The following ZNF525 variants were observed in gnomAD, a reference collection of about 807,000 sequenced individuals.
ZNF525 encodes the protein zinc finger protein 525.
A neutral mutation model predicts 37.6 loss-of-function variants in ZNF525; 33 were observed. The observed-to-expected ratio is 0.88, with a 90% CI of 0.67 to 1.17. The LOEUF is 1.17. ZNF525 is among the 50% of genes most tolerant of loss of function. The pLI is 0.00. For synonymous variants in ZNF525, 170 were observed against 182.3 expected, an observed-to-expected ratio of 0.93 and a Z score of 0.54; for missense variants, 449 against 543.1, an observed-to-expected ratio of 0.83 and a Z score of 1.72.
intron 3 of ZNF525, among the ~76,000 whole-genome samples, chr19:53,378,241 G>A (rs2085535431): frequency 6.6e-6 from 1 of 152,186 alleles, no homozygotes. Flanking sequence ...CGGATCACCT[G>A]AGTTAAGGAA....
At chr19:53,369,764 A>T (rs1333059188) in intron 1 of ZNF525, among the ~76,000 whole-genome samples, 1 of 99,270 alleles carries the variant, frequency 1.0e-5, no homozygotes, top group African/African-American at 4.9e-5. Flanking sequence ...TCTCGCTGTC[A>T]CCCAGGCTGG....
At chr19:53,378,457 G>A (rs2085536539) in intron 3 of ZNF525, among the ~76,000 whole-genome samples, 1 of 152,152 alleles carries the variant, frequency 6.6e-6, no homozygotes, top group Non-Finnish European at 1.5e-5. Context: ...TACAGGCTGA[G>A]GCGGGAGAAT....
At chr19:53,380,630 C>T (rs1259903993) in intron 3 of ZNF525, 92 bp from the exon 4 acceptor site, 3 of 661,640 alleles carry the variant, frequency 4.5e-6, no homozygotes, top group African/African-American at 1.8e-5. Flanking sequence ...AAGAATCTTA[C>T]GATTTTGTGT....
rs1404113402 is a variant in ZNF525 at position 53,381,277 on chromosome 19, A to C, written c.698A>C (p.His233Pro). ...AATTATAGCTCACTCTTAAGGAAAC[A>C]TCAGATTATTCATCTAGGAGAGAAA... is the stretch of plus-strand genomic sequence containing the variant. ...AFNYSSLLRK[H>P]QIIHLGEKQY... Residue 233 changes from histidine to proline, a missense_variant, in exon 4 of 4, where the codon CAT becomes CCT. His to Pro is a moderately conservative substitution (Grantham distance 77). This residue lies in a region of ZNF525 where 271 missense variants were observed against 381.6 expected (regional missense o/e 0.71). Coordinates refer to ENST00000474037, the MANE Select transcript of ZNF525 (RefSeq NM_001348156.2). 4.9e-6 allele frequency: 7 copies of C among 1,434,754 alleles called. No homozygotes were observed. The highest frequency in any genetic ancestry group is 6.9e-6 in the Non-Finnish European group (7 of 1,016,614). 88.9% of individuals were successfully genotyped at this position (1,434,754 alleles called of 1,614,324 possible).
At position 53,383,652 on chromosome 19, in the gene ZNF525, A is replaced by C; in HGVS notation, c.*1633A>C. 1 of 954,602 alleles carries C rather than the reference A, an allele frequency of 1.0e-6. No homozygotes were observed. The highest frequency in any genetic ancestry group is 1.7e-5 in the African/African-American group (1 of 60,468). The allele number at this position is 954,602 out of a possible 1,614,324, so 59.1% of individuals were successfully genotyped here. A position where few individuals can be genotyped will look rare whatever the true frequency, so the allele number is the denominator to read the frequency against. The stretch of plus-strand genomic sequence containing the variant: ...ATCCGTAGTGTAGGGAAACTTGACT[A>C]ACGTAATGATTCTCACAACGTCTTC... On this transcript the variant is annotated 3_prime_UTR_variant, in exon 4 of 4. Coordinates refer to ENST00000474037, the MANE Select transcript of ZNF525 (RefSeq NM_001348156.2).
rs189980574 is a variant in ZNF525 at position 53,382,755 on chromosome 19, T to G, written c.*736T>G. 4 of 906,576 alleles carry G rather than the reference T, an allele frequency of 4.4e-6. No individual in the cohort carries two copies. In the East Asian group the frequency reaches 1.0e-4, roughly 24 times the overall value. The allele number at this position is 906,576 out of a possible 1,614,324, so 56.2% of individuals were successfully genotyped here. ...TACAAGTGTGATAAATGTGACAAAT[T>G]TTTCAGACATCGTTCATACCTTGCA... On this transcript the variant is annotated 3_prime_UTR_variant, in exon 4 of 4. Transcript: ENST00000474037.
chr19:53,374,794 G>C (rs2085510412), intron 2 of ZNF525, among the ~76,000 whole-genome samples: 1 of 152,044 alleles, frequency 6.6e-6, no homozygotes, highest in African/African-American at 2.4e-5. Context: ...TAGTTTTTTT[G>C]TGAGTCTGTG....
intron 3 of ZNF525, among the ~76,000 whole-genome samples, chr19:53,378,350 G>T (rs114517970): frequency 2.7e-4 from 41 of 152,190 alleles, no homozygotes; most frequent in African/African-American, 9.9e-4. Flanking sequence ...CCAAGTACTC[G>T]AGAGGCTGAG....
chr19:53,381,042 C>G lies in ZNF525; in HGVS notation c.463C>G (p.Gln155Glu). ...HSHLSELHIF[Q>E]PKGKINNQVE... is the part of the protein sequence containing the mutation. ...ACATCTGTCTGAACTCCACATATTT[C>G]AGCCCAAAGGGAAAATTAATAATCA... The change falls in exon 4 of 4, where the codon CAG becomes GAG. Residue 155 changes from glutamine (Q) to glutamate (E), a missense_variant. By Grantham distance (29) the Gln-to-Glu change is conservative. This residue lies in a region of ZNF525 where 271 missense variants were observed against 381.6 expected (regional missense o/e 0.71). Transcript: ENST00000474037. The G allele has an allele frequency of 6.5e-7, 1 of 1,549,310 alleles. No homozygotes were observed. Among genetic ancestry groups the G allele is most frequent in the Admixed American group, 1.7e-5 (1 of 59,952 alleles).
rs549568197 is a variant in ZNF525 at position 53,375,781 on chromosome 19, A to C, written c.27A>C (p.Thr9=). The C allele has an allele frequency of 1.0e-4, 163 of 1,613,946 alleles. No individual in the cohort carries two copies. The African/African-American group carries it at 2.1e-3, about 20-fold the overall frequency. MALPQGLL[T]FRDVAIEFSQ... is the part of the protein sequence containing the mutation. ...TGTTTTCATTTCAGGGTCTATTGAC[A>C]TTCAGGGATGTGGCCATAGAATTCT... is the stretch of plus-strand genomic sequence containing the variant. Residue 9 remains threonine, a synonymous_variant, in exon 3 of 4, where the codon ACA becomes ACC. Transcript: ENST00000474037.
At chr19:53,366,739 A>C (rs1015055076) in intron 1 of ZNF525, among the ~76,000 whole-genome samples, 53 of 150,042 alleles carry the variant, frequency 3.5e-4, no homozygotes, top group Non-Finnish European at 6.6e-4. Flanking sequence ...CAAAGAGAAC[A>C]GAGGGAGAAC....
At chr19:53,367,967 A>T (rs755082596) in intron 1 of ZNF525, among the ~76,000 whole-genome samples, 2 of 152,210 alleles carry the variant, frequency 1.3e-5, no homozygotes, top group Admixed American at 6.5e-5. Context: ...CCTAGAGTAC[A>T]GAATTAGTCT....
Position 53,384,116 on chromosome 19 carries a change from C to G in ZNF525, c.*2097C>G, listed in dbSNP as rs2085588384. On this transcript the variant is annotated 3_prime_UTR_variant, in exon 4 of 4. Coordinates refer to ENST00000474037, the MANE Select transcript of ZNF525 (RefSeq NM_001348156.2). The stretch of plus-strand genomic sequence containing the variant: ...ATCAAGCATTGATTGACATTAGAGT[C>G]AGTTCAGCATTGACTTGAGTTTGAG... 1 of 440,866 alleles carries G rather than the reference C, an allele frequency of 2.3e-6. No individual in the cohort carries two copies. The highest frequency in any genetic ancestry group is 4.5e-6 in the Non-Finnish European group (1 of 220,940). 27.3% of individuals were successfully genotyped at this position (440,866 alleles called of 1,614,324 possible). A position where few individuals can be genotyped will look rare whatever the true frequency, so the allele number is the denominator to read the frequency against.
rs1015710338 is a variant in ZNF525 at position 53,382,642 on chromosome 19, A to G, written c.*623A>G. 1.4e-6 allele frequency: 1 copy of G among 708,296 alleles called. No homozygotes were observed. Among genetic ancestry groups the G allele is most frequent in the Non-Finnish European group, 2.6e-6 (1 of 382,760 alleles). 43.9% of individuals were successfully genotyped at this position (708,296 alleles called of 1,614,324 possible). A position where few individuals can be genotyped will look rare whatever the true frequency, so the allele number is the denominator to read the frequency against. On this transcript the variant is annotated 3_prime_UTR_variant, in exon 4 of 4. Transcript: ENST00000474037. ...ATCAAGCAATCCATGGCAGAGGGAA[A>G]CTTTACAAATGTAATGATTGTCACC...
chr19:53,375,784 C>G lies in ZNF525; in HGVS notation c.30C>G (p.Phe10Leu). 4 of 1,613,856 alleles carry G rather than the reference C, an allele frequency of 2.5e-6. No individual in the cohort carries two copies. The highest frequency in any genetic ancestry group is 2.2e-5 in the South Asian group (2 of 91,064). Residue 10 changes from phenylalanine (F) to leucine (L), a missense_variant, in exon 3 of 4, where the codon TTC becomes TTG. By Grantham distance (22) the Phe-to-Leu change is conservative. Around this residue, in one of 2 missense-constraint regions of ZNF525, gnomAD observed 271 missense variants for 381.6 expected, o/e 0.71. Transcript: ENST00000474037. ...TTTCATTTCAGGGTCTATTGACATT[C>G]AGGGATGTGGCCATAGAATTCTCTC... Reference protein sequence around the residue: MALPQGLLTFRDVAIEFSQE... With the variant: MALPQGLLTLRDVAIEFSQE...
rs147529999 is a variant in ZNF525 at position 53,373,561 on chromosome 19, G to A, written c.15+1265G>A. Among the ~76,000 whole-genome samples, 1,274 of 152,164 alleles carry A rather than the reference G, an allele frequency of 8.4e-3. 22 individuals are homozygous for A. Among genetic ancestry groups the A allele is most frequent in the African/African-American group, 0.029 (1,197 of 41,508 alleles). On this transcript the variant is annotated intron_variant, in intron 2 of 3. Coordinates refer to ENST00000474037, the MANE Select transcript of ZNF525 (RefSeq NM_001348156.2). Reference sequence around the variant, plus strand: ...CTCCTTCCAGCCTCACTGGGGAGCCGCTACTGTCAGTTCGGTGTCAGGTGT... The same window carrying A: ...CTCCTTCCAGCCTCACTGGGGAGCCACTACTGTCAGTTCGGTGTCAGGTGT...
chr19:53,383,480 AAAAAT>A lies in ZNF525; in HGVS notation c.*1462_*1466del, dbSNP rs2085582975. On this transcript the variant is annotated 3_prime_UTR_variant, in exon 4 of 4. Coordinates refer to ENST00000474037, the MANE Select transcript of ZNF525 (RefSeq NM_001348156.2). ...AGAATTCATACTGGAGAGAAACCAT[AAAAAT>A]GTAAGAGTTTTTGACAAGGCTTTCG... 1 of 1,081,350 alleles carries A rather than the reference AAAAAT, an allele frequency of 9.2e-7. No individual in the cohort carries two copies. The highest frequency in any genetic ancestry group is 1.6e-5 in the African/African-American group (1 of 63,068). The allele number at this position is 1,081,350 out of a possible 1,614,324, so 67.0% of individuals were successfully genotyped here.
Position 53,380,927 on chromosome 19 carries a change from C to T in ZNF525, c.348C>T (p.Ile116=). 6.5e-7 allele frequency: 1 copy of T among 1,533,102 alleles called. No homozygotes were observed. Among genetic ancestry groups the T allele is most frequent in the African/African-American group, 1.4e-5 (1 of 73,166 alleles). The allele number at this position is 1,533,102 out of a possible 1,614,324, so 95.0% of individuals were successfully genotyped here. A position where few individuals can be genotyped will look rare whatever the true frequency, so the allele number is the denominator to read the frequency against. The stretch of plus-strand genomic sequence containing the variant: ...GCCATGAAGCACCCATGACAAAAAT[C>T]AAAAAATTGATGGGTAGTACAGAGC... ...RNGHEAPMTK[I]KKLMGSTEQY... The change falls in exon 4 of 4, where the codon ATC becomes ATT. Residue 116 remains isoleucine, a synonymous_variant. Transcript: ENST00000474037.
chr19:53,380,836 C>T lies in ZNF525; in HGVS notation c.257C>T (p.Ser86Phe), dbSNP rs779425086. 1 of 1,445,372 alleles carries T rather than the reference C, an allele frequency of 6.9e-7. No homozygotes were observed. 89.5% of individuals were successfully genotyped at this position (1,445,372 alleles called of 1,614,324 possible). ...GAACGTCATCACATTGGAGATTTTT[C>T]CTTCCAGGAAATTGAGAAAGATATT... ...RHERHHIGDF[S>F]FQEIEKDIHN... The change falls in exon 4 of 4, where the codon TCC (serine) becomes TTC (phenylalanine). Residue 86 changes from serine (S) to phenylalanine (F), a missense_variant. Ser to Phe is a radical substitution (Grantham distance 155). Transcript: ENST00000474037.
Sources: gnomAD v4.1 joint callset for allele counts (sites outside exome capture counted in the v4.1 genomes callset) on GRCh38, gnomAD v4.1.1 for gene constraint, gnomAD v4.1.1 regional missense constraint, MANE v1.5 for transcripts, NCBI Gene and HGNC (gene_info 2026-07-23, HGNC 2026-07-21) for gene names.